Variants in SMYD3 observed in about 807,000 individuals in gnomAD.
SMYD3 encodes SET and MYND domain containing 3.
Under a neutral mutation model 57.7 loss-of-function variants are expected in SMYD3, and 36 were observed. That is an observed-to-expected ratio of 0.62 (90% confidence interval 0.48 to 0.82). The LOEUF (loss-of-function observed/expected upper bound fraction) is 0.82, where lower values mean the gene tolerates loss of function less well. SMYD3 is among the 40% of genes least tolerant of loss of function. The pLI, the probability that SMYD3 is intolerant of heterozygous loss-of-function variation, is 0.00. For missense variants in SMYD3, 515 were observed against 538.8 expected (o/e 0.96, Z 0.44); for synonymous variants, 211 against 195.0 (o/e 1.08, Z -0.68).
intron 5 of SMYD3, among the ~76,000 whole-genome samples, chr1:246,152,499 C>A (rs1436238679): frequency 1.3e-5 from 2 of 152,188 alleles, no homozygotes; most frequent in African/African-American, 2.4e-5. Context: ...TCACTCAGAG[C>A]AAGTGCAGAG....
chr1:246,495,151 C>T (rs2068338034), intron 1 of SMYD3, among the ~76,000 whole-genome samples: 1 of 151,926 alleles, frequency 6.6e-6, no homozygotes, highest in East Asian at 1.9e-4. Context: ...AGATCGAGAC[C>T]ATCCTGGCTA....
intron 5 of SMYD3, among the ~76,000 whole-genome samples, chr1:246,066,490 T>C (rs2060342002): frequency 6.6e-6 from 1 of 152,228 alleles, no homozygotes; most frequent in Admixed American, 6.5e-5. Flanking sequence ...TCTAAAATTC[T>C]CTGCACTGCT....
At chr1:245,944,704 C>G (rs758499048) in intron 5 of SMYD3, among the ~76,000 whole-genome samples, 2 of 152,156 alleles carry the variant, frequency 1.3e-5, no homozygotes, top group African/African-American at 2.4e-5. Flanking sequence ...GCAAAAAGAA[C>G]AAAGCCGGAG....
At chr1:246,073,406 T>G (rs576965107) in intron 5 of SMYD3, among the ~76,000 whole-genome samples, 2 of 152,304 alleles carry the variant, frequency 1.3e-5, no homozygotes, top group East Asian at 3.9e-4. Flanking sequence ...AGAATTGTGA[T>G]TTGGGGATTT....
chr1:246,192,010 G>A (rs532995522), intron 5 of SMYD3, among the ~76,000 whole-genome samples: 72 of 152,268 alleles, frequency 4.7e-4, no homozygotes, highest in Non-Finnish European at 9.1e-4. Flanking sequence ...TTGTTATTAC[G>A]GAAAAAATTA....
chr1:246,407,221 G>C (rs2066881048), intron 1 of SMYD3, among the ~76,000 whole-genome samples: 1 of 152,184 alleles, frequency 6.6e-6, no homozygotes, highest in African/African-American at 2.4e-5. Context: ...TGTAACTGCT[G>C]ATTATGTATA....
chr1:245,762,588 C>G (rs2045896394), intron 11 of SMYD3, among the ~76,000 whole-genome samples: 1 of 152,108 alleles, frequency 6.6e-6, no homozygotes. Context: ...GGTAAACATG[C>G]CAGACATGAT....
intron 7 of SMYD3, among the ~76,000 whole-genome samples, chr1:245,922,606 C>CGT (rs1479477677): frequency 4.5e-4 from 19 of 42,230 alleles, no homozygotes; most frequent in Non-Finnish European, 2.9e-3. Flanking sequence ...TCTCTAATGT[C>CGT]ATATTTTTTT....
chr1:246,393,909 G>A (rs1453165338), intron 1 of SMYD3, among the ~76,000 whole-genome samples: 1 of 152,028 alleles, frequency 6.6e-6, no homozygotes, highest in African/African-American at 2.4e-5. Context: ...TACTTTCTAT[G>A]CTTTGGTGAC....
chr1:246,109,515 C>T (rs2061192011), intron 5 of SMYD3, among the ~76,000 whole-genome samples: 1 of 152,124 alleles, frequency 6.6e-6, no homozygotes, highest in Admixed American at 6.5e-5. Flanking sequence ...TCTAAGAATC[C>T]AAAGGAATTT....
At chr1:246,218,609 A>C (rs2063203590) in intron 5 of SMYD3, among the ~76,000 whole-genome samples, 1 of 150,120 alleles carries the variant, frequency 6.7e-6, no homozygotes, top group African/African-American at 2.5e-5. Context: ...TGACAGAGCG[A>C]GACTCCGTCT....
At chr1:246,273,161 T>TTTTTTG (rs2064258201) in intron 5 of SMYD3, among the ~76,000 whole-genome samples, 13 of 131,106 alleles carry the variant, frequency 9.9e-5, no homozygotes, top group East Asian at 4.6e-4. Context: ...TTCTTTTTTT[T>TTTTTTG]GGGGGGGGGA....
At chr1:245,818,069 A>C (rs2048952021) in intron 10 of SMYD3, among the ~76,000 whole-genome samples, 1 of 151,908 alleles carries the variant, frequency 6.6e-6, no homozygotes, top group Non-Finnish European at 1.5e-5. Context: ...ACTCCTCGAG[A>C]AGAGCAACTC....
chr1:246,215,631 G>A (rs948547213), intron 5 of SMYD3, among the ~76,000 whole-genome samples: 11 of 152,202 alleles, frequency 7.2e-5, no homozygotes, highest in African/African-American at 2.7e-4. Context: ...ACTCTCAGTG[G>A]CCATCGTTCT....
intron 10 of SMYD3, among the ~76,000 whole-genome samples, chr1:245,786,229 G>C (rs930556521): frequency 6.7e-6 from 1 of 149,428 alleles, no homozygotes; most frequent in Non-Finnish European, 1.5e-5. Context: ...GGGGATGGTG[G>C]CAACAGAATA....
chr1:246,356,445 AATATCC>A (rs1393482552), intron 1 of SMYD3, among the ~76,000 whole-genome samples: 1 of 152,212 alleles, frequency 6.6e-6, no homozygotes, highest in African/African-American at 2.4e-5. Flanking sequence ...ACCAAGATAA[AATATCC>A]GGATTGCAAG....
chr1:246,263,477 C>T (rs2064049008), intron 5 of SMYD3, among the ~76,000 whole-genome samples: 1 of 152,146 alleles, frequency 6.6e-6, no homozygotes, highest in South Asian at 2.1e-4. Context: ...ATAATGATCA[C>T]CTTCTTTTTA....
At chr1:245,824,284 T>C (rs1178773834) in intron 10 of SMYD3, among the ~76,000 whole-genome samples, 1 of 152,264 alleles carries the variant, frequency 6.6e-6, no homozygotes, top group Non-Finnish European at 1.5e-5. Flanking sequence ...AGAGATGCTT[T>C]GTAGCTAAGT....
At chr1:246,076,677 G>GT (rs200488068) in intron 5 of SMYD3, among the ~76,000 whole-genome samples, 219 of 63,590 alleles carry the variant, frequency 3.4e-3, no homozygotes, top group East Asian at 9.5e-3. Context: ...GTCTGGTTTT[G>GT]TTTTTTTTTT....
Sources: allele counts gnomAD v4.1 joint callset (sites outside exome capture counted in the v4.1 genomes callset), GRCh38; gene constraint gnomAD v4.1.1; transcripts MANE v1.5; gene names NCBI Gene and HGNC (gene_info 2026-07-23, HGNC 2026-07-21).